The following DKK2 variants were observed in gnomAD, a reference collection of about 807,000 sequenced individuals.
DKK2 encodes the protein dickkopf Wnt signaling pathway inhibitor 2.
Under a neutral mutation model 28.1 loss-of-function variants are expected in DKK2, and 11 were observed. That is an observed-to-expected ratio of 0.39 (90% CI 0.25 to 0.65). DKK2 has a LOEUF of 0.65. DKK2 is among the 30% of genes least tolerant of loss of function. The pLI, the probability that DKK2 is intolerant of heterozygous loss-of-function variation, is 0.47. For missense variants in DKK2, 326 were observed against 335.5 expected (o/e 0.97, Z 0.22); for synonymous variants, 135 against 126.5 (o/e 1.07, Z -0.45).
intron 1 of DKK2, among the ~76,000 whole-genome samples, chr4:106,943,139 A>G (rs1724726001): frequency 6.6e-6 from 1 of 152,122 alleles, no homozygotes; most frequent in Admixed American, 6.6e-5. Context: ...TTCACTTTTA[A>G]GCAACCTTCC....
chr4:106,954,647 G>C (rs949293156), intron 1 of DKK2, among the ~76,000 whole-genome samples: 3 of 152,070 alleles, frequency 2.0e-5, no homozygotes, highest in Admixed American at 6.6e-5. Context: ...TCAGCCTCCA[G>C]AGTAGCTGGG....
intron 1 of DKK2, among the ~76,000 whole-genome samples, chr4:107,002,931 TA>T (rs924448933): frequency 9.2e-5 from 14 of 152,230 alleles, no homozygotes; most frequent in African/African-American, 2.9e-4. Context: ...TTAGATAACA[TA>T]AAAAATCCTT....
intron 1 of DKK2, among the ~76,000 whole-genome samples, chr4:107,022,687 G>A (rs1175877948): frequency 6.6e-6 from 1 of 152,136 alleles, no homozygotes; most frequent in Non-Finnish European, 1.5e-5. Flanking sequence ...TGTAGATAAT[G>A]TTTCAGAGAG....
intron 1 of DKK2, among the ~76,000 whole-genome samples, chr4:107,025,837 T>C (rs890340326): frequency 7.9e-5 from 12 of 152,244 alleles, no homozygotes; most frequent in Non-Finnish European, 8.8e-5. Context: ...GCTGAAAAAC[T>C]GTCTACGTAT....
chr4:106,957,810 G>C (rs1000652129), intron 1 of DKK2, among the ~76,000 whole-genome samples: 1 of 146,516 alleles, frequency 6.8e-6, no homozygotes, highest in Non-Finnish European at 1.5e-5. Context: ...GCTAAATGAC[G>C]AGTTAATGGG....
At chr4:107,014,515 G>A (rs1723562535) in intron 1 of DKK2, among the ~76,000 whole-genome samples, 1 of 151,440 alleles carries the variant, frequency 6.6e-6, no homozygotes, top group Non-Finnish European at 1.5e-5. Context: ...GGGATGGGGA[G>A]GGGCTGGTCA....
In DKK2 at chr4:106,934,435, T is replaced by A. The variant is rs947782572; in HGVS notation, c.223-8486A>T. On this transcript the variant is annotated intron_variant, in intron 1 of 3. Transcript: ENST00000285311. ...ATCAAGCACCTCGACTGAAGTTTCT[T>A]TATTAAAAATTGTGTTTTGTTTCAG... Among the ~76,000 whole-genome samples, 9 of 152,272 alleles carry A rather than the reference T, an allele frequency of 5.9e-5. 1 individual carries two copies. Among genetic ancestry groups the A allele is most frequent in the Admixed American group, 5.9e-4 (9 of 15,300 alleles).
chr4:106,953,477 G>A (rs1306497506), intron 1 of DKK2, among the ~76,000 whole-genome samples: 1 of 152,172 alleles, frequency 6.6e-6, no homozygotes, highest in Non-Finnish European at 1.5e-5. Flanking sequence ...AAGATATGGG[G>A]TGGGGAGGGG....
chr4:107,007,025 A>G (rs777353082), intron 1 of DKK2, among the ~76,000 whole-genome samples: 62 of 152,268 alleles, frequency 4.1e-4, no homozygotes, highest in Admixed American at 1.0e-3. Flanking sequence ...CATAAATAGA[A>G]GACATTCTTT....
At chr4:107,027,439 A>G (rs942124973) in intron 1 of DKK2, among the ~76,000 whole-genome samples, 11 of 150,806 alleles carry the variant, frequency 7.3e-5, no homozygotes, top group Admixed American at 6.0e-4. Flanking sequence ...ATTTACCTAA[A>G]TCGCCAAAAA....
chr4:106,984,960 A>G (rs577962571), intron 1 of DKK2, among the ~76,000 whole-genome samples: 1 of 152,354 alleles, frequency 6.6e-6, no homozygotes, highest in South Asian at 2.1e-4. Context: ...CTGTAATCCC[A>G]GAACTCTGGG....
Position 107,035,742 on chromosome 4 carries a change from C to G in DKK2, c.-151G>C, listed in dbSNP as rs1246325786. ...CCTTCCTGGTTCGGGGACCCAGGAC[C>G]CTATGAACTCAGTCTCACGCCTCAG... On this transcript the variant is annotated 5_prime_UTR_variant, in exon 1 of 4. Coordinates refer to ENST00000285311, the MANE Select transcript of DKK2 (RefSeq NM_014421.3). 1.4e-6 allele frequency: 1 copy of G among 715,868 alleles called. No homozygotes were observed. The highest frequency in any genetic ancestry group is 2.3e-6 in the Non-Finnish European group (1 of 436,920). The allele number at this position is 715,868 out of a possible 1,614,324, so 44.3% of individuals were successfully genotyped here. A position where few individuals can be genotyped will look rare whatever the true frequency, so the allele number is the denominator to read the frequency against.
At chr4:107,014,227 G>C (rs560896647) in intron 1 of DKK2, among the ~76,000 whole-genome samples, 1 of 151,584 alleles carries the variant, frequency 6.6e-6, no homozygotes, top group African/African-American at 2.4e-5. Context: ...TCAAGAGATG[G>C]AATCAACCTA....
intron 1 of DKK2, among the ~76,000 whole-genome samples, chr4:106,955,005 T>C (rs1446700176): frequency 1.3e-5 from 2 of 152,190 alleles, no homozygotes; most frequent in Non-Finnish European, 2.9e-5. Flanking sequence ...TTAATAACAT[T>C]GCTTTGCTTC....
intron 1 of DKK2, among the ~76,000 whole-genome samples, chr4:107,018,891 C>T (rs1194852202): frequency 6.6e-6 from 1 of 152,020 alleles, no homozygotes; most frequent in Non-Finnish European, 1.5e-5. Context: ...GAATTTCCTG[C>T]CAACTATCTT....
At chr4:106,950,713 T>C (rs1402737316) in intron 1 of DKK2, among the ~76,000 whole-genome samples, 1 of 152,192 alleles carries the variant, frequency 6.6e-6, no homozygotes, top group Non-Finnish European at 1.5e-5. Flanking sequence ...ACTCCAATTA[T>C]TATTTCTTGT....
intron 1 of DKK2, among the ~76,000 whole-genome samples, chr4:106,949,913 G>A (rs888904110): frequency 2.0e-5 from 3 of 151,974 alleles, no homozygotes; most frequent in Non-Finnish European, 4.4e-5. Flanking sequence ...TGTTAACACA[G>A]CCCAGCATTA....
intron 1 of DKK2, among the ~76,000 whole-genome samples, chr4:107,017,106 A>C: frequency 6.6e-6 from 1 of 151,902 alleles, no homozygotes; most frequent in East Asian, 1.9e-4. Context: ...TTCTGAGTAA[A>C]CCTATGTTGT....
chr4:107,032,641 T>G (rs1328347727), intron 1 of DKK2, among the ~76,000 whole-genome samples: 3 of 152,174 alleles, frequency 2.0e-5, no homozygotes, highest in Non-Finnish European at 4.4e-5. Flanking sequence ...CCAATCTGCC[T>G]ACTTGAAGCT....
Sources: gnomAD v4.1 joint callset for allele counts (sites outside exome capture counted in the v4.1 genomes callset) on GRCh38, gnomAD v4.1.1 for gene constraint, MANE v1.5 for transcripts, NCBI Gene and HGNC (gene_info 2026-07-23, HGNC 2026-07-21) for gene names.